The following SAMD13 variants were observed in gnomAD, a reference collection of about 807,000 sequenced individuals.
SAMD13 encodes sterile alpha motif domain containing 13, also known as sterile alpha motif domain-containing protein 13.
Under a neutral mutation model 12.4 loss-of-function variants are expected in SAMD13, and 9 were observed. The ratio of observed to expected loss-of-function variants is 0.72; its 90% CI spans 0.44 to 1.26. The LOEUF is 1.26. Among genes scored for constraint, SAMD13 ranks in the 50% most tolerant of loss-of-function variants. The pLI is 0.00. For synonymous variants in SAMD13, 46 were observed against 45.4 expected (o/e 1.01, Z -0.05); for missense variants, 84 against 119.6 (o/e 0.70, Z 1.39).
rs1570245988 is a variant in SAMD13, at chr1:84,325,754, T to A, written c.165+6T>A. On this transcript the variant is annotated splice_donor_region_variant and intron_variant, in intron 3 of 3. Coordinates refer to ENST00000394834, the MANE Select transcript of SAMD13 (RefSeq NM_001134663.2). ...CTAGTGCTTTTCAGGAACAGGTAAC[T>A]TGGTCTAGAGAAACACGTGATGAAC... The A allele has an allele frequency of 2.5e-6, 4 of 1,574,406 alleles. No homozygotes were observed. The East Asian group carries it at 9.0e-5, about 35-fold the overall frequency.
intron 3 of SAMD13, among the ~76,000 whole-genome samples, chr1:84,342,109 A>C (rs1425227747): frequency 6.6e-6 from 1 of 152,156 alleles, no homozygotes; most frequent in African/African-American, 2.4e-5. Context: ...TATGGGCCTG[A>C]GAGACGCATG....
chr1:84,313,073 C>CG (rs1185156573), intron 2 of SAMD13, among the ~76,000 whole-genome samples: 1 of 152,096 alleles, frequency 6.6e-6, no homozygotes, highest in Non-Finnish European at 1.5e-5. Flanking sequence ...ACCTAAATAA[C>CG]TAAGATGGAG....
rs138802209 is a variant in SAMD13, at chr1:84,348,457, A to G, written c.166-1174A>G. Among the ~76,000 whole-genome samples the G allele has an allele frequency of 3.0e-3, 460 of 152,234 alleles. 3 individuals carry two copies. The highest frequency in any genetic ancestry group is 0.011 in the African/African-American group (439 of 41,532). ...CGGTCAGTGGAGGAGGTAGGTACAG[A>G]AGTATGTGGTTATAACCATGCACAG... is the stretch of plus-strand genomic sequence containing the variant. On this transcript the variant is annotated intron_variant, in intron 3 of 3. Transcript: ENST00000394834.
chr1:84,333,650 A>G (rs972658352), intron 3 of SAMD13, among the ~76,000 whole-genome samples: 11 of 152,162 alleles, frequency 7.2e-5, no homozygotes, highest in African/African-American at 2.7e-4. Context: ...TAGGTATAGA[A>G]TCATATCATC....
At position 84,302,301 on chromosome 1, in the gene SAMD13, T is replaced by C. The variant is rs537463604; in HGVS notation, c.-33+500T>C. On this transcript the variant is annotated intron_variant, in intron 1 of 3. Transcript: ENST00000394834. ...AATGTATTTAATTTATGGCTTCAGC[T>C]GAATAAGAGCAAACACGTTTCGGGA... Among the ~76,000 whole-genome samples, 3 of 151,394 alleles carry C rather than the reference T, an allele frequency of 2.0e-5. No individual in the cohort carries two copies. In the South Asian group the frequency reaches 6.2e-4, roughly 32 times the overall value.
chr1:84,298,915 G>T (rs1678377015), upstream of SAMD13, among the ~76,000 whole-genome samples: 1 of 152,068 alleles, frequency 6.6e-6, no homozygotes, highest in Non-Finnish European at 1.5e-5. Flanking sequence ...TCCCCGGGGA[G>T]CCCCCACACT....
chr1:84,327,612 A>G (rs1023826650), intron 3 of SAMD13, among the ~76,000 whole-genome samples: 1 of 152,184 alleles, frequency 6.6e-6, no homozygotes, highest in African/African-American at 2.4e-5. Flanking sequence ...TTTACTTCAA[A>G]AAGAAAAGAA....
At chr1:84,325,120 G>A (rs1348470878) in intron 2 of SAMD13, among the ~76,000 whole-genome samples, 1 of 152,064 alleles carries the variant, frequency 6.6e-6, no homozygotes, top group East Asian at 1.9e-4. Context: ...CACACCCTTG[G>A]AAGAGCCAGA....
intron 2 of SAMD13, among the ~76,000 whole-genome samples, chr1:84,313,701 G>A (rs1678765210): frequency 6.6e-6 from 1 of 152,000 alleles, no homozygotes. Context: ...CAGTGATGAA[G>A]TTTAGCAAGG....
chr1:84,299,895 T>C (rs1214166828), upstream of SAMD13, among the ~76,000 whole-genome samples: 1 of 152,102 alleles, frequency 6.6e-6, no homozygotes, highest in African/African-American at 2.4e-5. Context: ...TCCCTTTGTA[T>C]ATGCAGGAAG....
intron 3 of SAMD13, among the ~76,000 whole-genome samples, chr1:84,331,969 T>G (rs1679199831): frequency 6.6e-6 from 1 of 152,150 alleles, no homozygotes; most frequent in Non-Finnish European, 1.5e-5. Flanking sequence ...CTCCCACTTA[T>G]GAGAACATAA....
intron 3 of SAMD13, among the ~76,000 whole-genome samples, chr1:84,338,916 C>G (rs1427451231): frequency 6.6e-6 from 1 of 152,196 alleles, no homozygotes; most frequent in Non-Finnish European, 1.5e-5. Flanking sequence ...AGCCAGTCTT[C>G]AAGCTCTGAG....
chr1:84,332,620 T>C (rs1679216498), intron 3 of SAMD13, among the ~76,000 whole-genome samples: 1 of 152,200 alleles, frequency 6.6e-6, no homozygotes, highest in South Asian at 2.1e-4. Flanking sequence ...TTATAGATTC[T>C]GAATATTAAA....
chr1:84,334,371 T>A (rs566170662), intron 3 of SAMD13, among the ~76,000 whole-genome samples: 3 of 152,158 alleles, frequency 2.0e-5, no homozygotes, highest in South Asian at 2.1e-4. Context: ...GAGGGTTTTT[T>A]AAAAAATATT....
upstream of SAMD13, among the ~76,000 whole-genome samples, chr1:84,300,800 C>T (rs752114713): frequency 2.4e-4 from 37 of 152,190 alleles, no homozygotes; most frequent in Admixed American, 6.5e-5. Flanking sequence ...AGCCTCTCTG[C>T]TCCACCTCCC....
chr1:84,336,440 A>T (rs1679291124), intron 3 of SAMD13, among the ~76,000 whole-genome samples: 1 of 152,200 alleles, frequency 6.6e-6, no homozygotes, highest in South Asian at 2.1e-4. Flanking sequence ...GGCAACCAGG[A>T]GCAAGTCACA....
At chr1:84,334,507 A>G (rs745670656) in intron 3 of SAMD13, among the ~76,000 whole-genome samples, 1 of 151,972 alleles carries the variant, frequency 6.6e-6, no homozygotes, top group Non-Finnish European at 1.5e-5. Flanking sequence ...CAAAGGACCA[A>G]CCCCTCGATT....
At chr1:84,336,412 C>A (rs1570255878) in intron 3 of SAMD13, among the ~76,000 whole-genome samples, 2 of 152,244 alleles carry the variant, frequency 1.3e-5, no homozygotes, top group East Asian at 3.9e-4. Flanking sequence ...GGAGGGAGGC[C>A]TCACAATCAT....
At chr1:84,325,813 C>A (rs1274276288) in intron 3 of SAMD13, 65 bp downstream of exon 3, 2 of 978,348 alleles carry the variant, frequency 2.0e-6, no homozygotes, top group Admixed American at 1.8e-5. Flanking sequence ...CCCTTCCCAA[C>A]AGTGGGCAGA....
Sources: gnomAD v4.1 joint callset for allele counts (sites outside exome capture counted in the v4.1 genomes callset) on GRCh38, gnomAD v4.1.1 for gene constraint, MANE v1.5 for transcripts, NCBI Gene and HGNC (gene_info 2026-07-23, HGNC 2026-07-21) for gene names.